Variants in PELI2 observed in about 807,000 individuals in gnomAD.
PELI2 encodes pellino E3 ubiquitin protein ligase family member 2, also known as E3 ubiquitin-protein ligase pellino homolog 2.
A neutral mutation model predicts 42.3 loss-of-function variants in PELI2; 23 were observed. The ratio of observed to expected loss-of-function variants is 0.54; its 90% CI spans 0.39 to 0.77. PELI2 has a LOEUF of 0.77. Ranked by LOEUF, PELI2 falls within the 30% of genes least tolerant of loss-of-function variation. The pLI, the probability that PELI2 is intolerant of heterozygous loss-of-function variation, is 0.00. For missense variants in PELI2, 463 were observed against 553.2 expected, an observed-to-expected ratio of 0.84 and a Z score of 1.64; for synonymous variants, 245 against 212.2, an observed-to-expected ratio of 1.15 and a Z score of -1.34.
Position 56,262,447 on chromosome 14 carries a change from AT to A in PELI2, c.208-17221del, listed in dbSNP as rs562356211. 6.1e-3 allele frequency among the ~76,000 whole-genome samples: 934 copies of A among 152,160 alleles called. 10 individuals carry two copies. Among genetic ancestry groups the A allele is most frequent in the Non-Finnish European group, 5.6e-3 (382 of 68,002 alleles). ...TAAGCAAAAAGATAATCAACCACAG[AT>A]TTTTTTTCATATCAGAGTATTTTCC... On this transcript the variant is annotated intron_variant, in intron 2 of 5. Coordinates refer to ENST00000267460, the MANE Select transcript of PELI2 (RefSeq NM_021255.3).
chr14:56,249,000 T>C (rs1472284917), intron 2 of PELI2, among the ~76,000 whole-genome samples: 1 of 152,192 alleles, frequency 6.6e-6, no homozygotes, highest in Admixed American at 6.5e-5. Context: ...TTGGTGTTTG[T>C]GTTTCCGTTG....
intron 2 of PELI2, among the ~76,000 whole-genome samples, chr14:56,201,567 T>A (rs1013181879): frequency 6.6e-6 from 1 of 152,214 alleles, no homozygotes; most frequent in African/African-American, 2.4e-5. Context: ...GAGGAAATAT[T>A]TTTCCCTATA....
intron 1 of PELI2, 117 bp from the exon 2 acceptor site, chr14:56,178,218 T>C (rs1246803157): frequency 1.0e-6 from 1 of 991,142 alleles, no homozygotes; most frequent in Non-Finnish European, 1.5e-6. Context: ...GTGGAGTGTT[T>C]AGTGGGCAAT....
intron 1 of PELI2, among the ~76,000 whole-genome samples, chr14:56,174,129 C>T (rs559958969): frequency 6.6e-6 from 1 of 152,310 alleles, no homozygotes; most frequent in Admixed American, 6.5e-5. Flanking sequence ...TTTCGAACTC[C>T]TGACCTCAAG....
intron 2 of PELI2, among the ~76,000 whole-genome samples, chr14:56,205,831 A>C (rs910880995): frequency 2.0e-5 from 3 of 152,048 alleles, no homozygotes; most frequent in African/African-American, 7.2e-5. Context: ...TGGATGTTGG[A>C]GATAGGAAGT....
At chr14:56,196,906 AT>A (rs1886151565) in intron 2 of PELI2, among the ~76,000 whole-genome samples, 1 of 152,064 alleles carries the variant, frequency 6.6e-6, no homozygotes, top group African/African-American at 2.4e-5. Context: ...CAAATCTGGA[AT>A]TTTCTCACTT....
At chr14:56,243,854 ATT>A (rs1594677264) in intron 2 of PELI2, among the ~76,000 whole-genome samples, 2 of 152,238 alleles carry the variant, frequency 1.3e-5, no homozygotes, top group African/African-American at 2.4e-5. Context: ...CAGGTTGATA[ATT>A]TTAGTCAAGT....
At chr14:56,171,726 T>G (rs1269031992) in intron 1 of PELI2, among the ~76,000 whole-genome samples, 1 of 152,036 alleles carries the variant, frequency 6.6e-6, no homozygotes, top group Non-Finnish European at 1.5e-5. Context: ...TAAAATAGAT[T>G]GGGGACCAGC....
Position 56,193,596 on chromosome 14 carries a change from G to T in PELI2, c.207+15132G>T, listed in dbSNP as rs549219911. On this transcript the variant is annotated intron_variant, in intron 2 of 5. Transcript: ENST00000267460. Reference sequence around the variant, plus strand: ...AATAGACTTGAAATAATTTAAATCAGCCAAATACCTCCACTAGTGATACAT... The same window carrying T: ...AATAGACTTGAAATAATTTAAATCATCCAAATACCTCCACTAGTGATACAT... 1.2e-4 allele frequency among the ~76,000 whole-genome samples: 18 copies of T among 152,242 alleles called. No homozygotes were observed. The South Asian group carries it at 3.7e-3, about 32-fold the overall frequency.
intron 2 of PELI2, among the ~76,000 whole-genome samples, chr14:56,198,560 G>A (rs149852997): frequency 2.0e-5 from 3 of 152,192 alleles, no homozygotes; most frequent in Non-Finnish European, 4.4e-5. Context: ...TGGTGGCTAA[G>A]GCAAATCTGA....
rs1890030027 is a variant in PELI2 at position 56,296,937 on chromosome 14, T to A, written c.1034T>A (p.Val345Glu). Residue 345 changes from valine (V) to glutamate (E), a missense_variant, in exon 6 of 6, where the codon GTG becomes GAG. Transcript: ENST00000267460. ...CPMCRTVGPY[V>E]PLWLGCEAGF... Reference sequence around the variant, plus strand: ...ATGTGCAGGACTGTGGGCCCCTATGTGCCTCTCTGGCTTGGCTGTGAGGCA... The same window carrying A: ...ATGTGCAGGACTGTGGGCCCCTATGAGCCTCTCTGGCTTGGCTGTGAGGCA... The A allele has an allele frequency of 1.9e-6, 3 of 1,614,184 alleles. No individual in the cohort carries two copies.
intron 2 of PELI2, among the ~76,000 whole-genome samples, chr14:56,276,296 A>G: frequency 6.6e-6 from 1 of 152,152 alleles, no homozygotes; most frequent in Non-Finnish European, 1.5e-5. Flanking sequence ...TAATTCATGT[A>G]ATTGAAGGAA....
chr14:56,268,641 G>A (rs1888991733), intron 2 of PELI2, among the ~76,000 whole-genome samples: 1 of 152,200 alleles, frequency 6.6e-6, no homozygotes, highest in Non-Finnish European at 1.5e-5. Flanking sequence ...ATGCAATGCT[G>A]TTTTAAAGAA....
chr14:56,131,255 G>T (rs1883472135), intron 1 of PELI2, among the ~76,000 whole-genome samples: 1 of 152,168 alleles, frequency 6.6e-6, no homozygotes, highest in Non-Finnish European at 1.5e-5. Flanking sequence ...CAGCTCTAAG[G>T]CTTTGATGAA....
chr14:56,176,118 A>G (rs1437263900), intron 1 of PELI2, among the ~76,000 whole-genome samples: 1 of 152,172 alleles, frequency 6.6e-6, no homozygotes, highest in Admixed American at 6.5e-5. Context: ...AGTGGTGGGG[A>G]AGATGTTGGC....
intron 1 of PELI2, among the ~76,000 whole-genome samples, chr14:56,159,207 G>C (rs1399750838): frequency 1.3e-5 from 2 of 152,132 alleles, no homozygotes; most frequent in South Asian, 2.1e-4. Context: ...TTGCTCTCTC[G>C]ACTCCGTGGG....
chr14:56,267,731 C>G (rs547102628), intron 2 of PELI2, among the ~76,000 whole-genome samples: 1 of 152,036 alleles, frequency 6.6e-6, no homozygotes, highest in East Asian at 1.9e-4. Context: ...TAAATTTAGG[C>G]CAAGTCTTAA....
intron 2 of PELI2, among the ~76,000 whole-genome samples, chr14:56,259,460 T>C (rs1594692414): frequency 2.0e-5 from 3 of 152,270 alleles, no homozygotes; most frequent in South Asian, 4.1e-4. Flanking sequence ...CATAAGATTC[T>C]TGTATTGTTT....
At chr14:56,270,168 C>T (rs546616676) in intron 2 of PELI2, among the ~76,000 whole-genome samples, 4 of 152,238 alleles carry the variant, frequency 2.6e-5, no homozygotes, top group African/African-American at 9.6e-5. Context: ...GGCCCAGGGC[C>T]GAGTTCAACG....
Sources: gnomAD v4.1 joint callset for allele counts (sites outside exome capture counted in the v4.1 genomes callset) on GRCh38, gnomAD v4.1.1 for gene constraint, MANE v1.5 for transcripts, NCBI Gene and HGNC (gene_info 2026-07-23, HGNC 2026-07-21) for gene names.